The following ARL15 variants were observed in gnomAD, a reference collection of about 807,000 sequenced individuals.
The protein encoded by ARL15 is ADP-ribosylation factor-like protein 15.
ARL15 carries 19 observed loss-of-function variants against 25.2 expected under a neutral mutation model. The observed-to-expected ratio is 0.75, with a 90% CI of 0.53 to 1.10. The LOEUF (loss-of-function observed/expected upper bound fraction) is 1.10. Among genes scored for constraint, ARL15 ranks in the 50% least tolerant of loss-of-function variants. The pLI, the probability that ARL15 is intolerant of heterozygous loss-of-function variation, is 0.00. For missense variants in ARL15, 220 were observed against 246.0 expected (o/e 0.89, Z 0.71); for synonymous variants, 94 against 86.8 (o/e 1.08, Z -0.46).
chr5:54,135,923 C>G (rs1384462263), intron 3 of ARL15, among the ~76,000 whole-genome samples: 1 of 152,142 alleles, frequency 6.6e-6, no homozygotes, highest in Non-Finnish European at 1.5e-5. Flanking sequence ...ACAGGTTAGA[C>G]CACTGCCCAC....
chr5:53,999,820 G>A (rs1000779382), intron 4 of ARL15, among the ~76,000 whole-genome samples: 5 of 151,918 alleles, frequency 3.3e-5, no homozygotes, highest in Admixed American at 6.6e-5. Flanking sequence ...CTCCTGAACC[G>A]GGAGGTGGAG....
chr5:53,907,457 CATAT>C (rs1174664612), intron 4 of ARL15, among the ~76,000 whole-genome samples: 318 of 23,852 alleles, frequency 0.013, 8 homozygotes, highest in South Asian at 0.074. Flanking sequence ...CTTAAGAGTT[CATAT>C]ATATATATAT....
intron 1 of ARL15, among the ~76,000 whole-genome samples, chr5:54,254,340 C>T (rs965863334): frequency 2.0e-5 from 3 of 152,122 alleles, no homozygotes; most frequent in Admixed American, 6.5e-5. Flanking sequence ...TATAAGGAGT[C>T]TGACTTATTA....
Position 54,190,390 on chromosome 5 carries a change from C to T in ARL15, c.49-18462G>A, listed in dbSNP as rs536976625. On this transcript the variant is annotated intron_variant, in intron 1 of 4. Transcript: ENST00000504924. ...CCTAGGTGATAGAATGAGACGTTGT[C>T]TCAAAAAAAAAAAAAAAATTACAGT... 1.2e-3 allele frequency among the ~76,000 whole-genome samples: 175 copies of T among 146,374 alleles called. 2 individuals are homozygous for T. The highest frequency in any genetic ancestry group is 3.5e-3 in the Middle Eastern group (1 of 284).
chr5:54,180,620 T>C (rs1223296441), intron 1 of ARL15, among the ~76,000 whole-genome samples: 1 of 152,236 alleles, frequency 6.6e-6, no homozygotes, highest in Non-Finnish European at 1.5e-5. Flanking sequence ...TGTGGGCTGC[T>C]GGGAGCACAC....
chr5:54,060,070 G>A (rs930769907), intron 4 of ARL15, among the ~76,000 whole-genome samples: 5 of 149,394 alleles, frequency 3.3e-5, no homozygotes, highest in Non-Finnish European at 7.4e-5. Context: ...GAATTATGGG[G>A]ACTGGTCTTT....
chr5:53,981,503 G>A (rs1561175115), intron 4 of ARL15, among the ~76,000 whole-genome samples: 1 of 152,182 alleles, frequency 6.6e-6, no homozygotes, highest in Middle Eastern at 3.2e-3. Flanking sequence ...GAGCAGTGGT[G>A]CATATATTTC....
intron 4 of ARL15, among the ~76,000 whole-genome samples, chr5:54,103,008 G>A (rs1269475722): frequency 6.6e-6 from 1 of 152,088 alleles, no homozygotes; most frequent in Non-Finnish European, 1.5e-5. Context: ...ATAATCTTAT[G>A]TCAGGTGTAG....
intron 4 of ARL15, among the ~76,000 whole-genome samples, chr5:53,956,102 G>A (rs1747140625): frequency 6.6e-6 from 1 of 151,910 alleles, no homozygotes; most frequent in South Asian, 2.1e-4. Flanking sequence ...TTCAAAAAAA[G>A]ACCCTGAGAG....
At chr5:53,931,890 G>T (rs1474917126) in intron 4 of ARL15, among the ~76,000 whole-genome samples, 2 of 152,124 alleles carry the variant, frequency 1.3e-5, no homozygotes, top group South Asian at 4.1e-4. Context: ...GTTTGGGCTT[G>T]GGACTTATAT....
At position 54,113,105 on chromosome 5, in the gene ARL15, C is replaced by A. The variant is rs185392005; in HGVS notation, c.462+97G>T. ...GGTTTCATGTTGAAAGCAGCATAAC[C>A]AGCACATTCCTAATTACATGCATTT... is the stretch of plus-strand genomic sequence containing the variant. On this transcript the variant is annotated intron_variant, in intron 4 of 4. Coordinates refer to ENST00000504924, the MANE Select transcript of ARL15 (RefSeq NM_019087.3). The A allele has an allele frequency of 5.2e-5, 62 of 1,194,540 alleles. No homozygotes were observed. In the African/African-American group the frequency reaches 6.8e-4, roughly 13 times the overall value. The allele number at this position is 1,194,540 out of a possible 1,614,324, so 74.0% of individuals were successfully genotyped here. A position where few individuals can be genotyped will look rare whatever the true frequency, so the allele number is the denominator to read the frequency against.
intron 4 of ARL15, among the ~76,000 whole-genome samples, chr5:53,907,477 TATA>T (rs1561143790): frequency 1.1e-3 from 36 of 32,406 alleles, no homozygotes; most frequent in African/African-American, 4.6e-3. Context: ...TATATATATA[TATA>T]TATATATATT....
At chr5:54,032,656 T>C (rs370547909) in intron 4 of ARL15, among the ~76,000 whole-genome samples, 3 of 151,858 alleles carry the variant, frequency 2.0e-5, no homozygotes, top group South Asian at 4.2e-4. Flanking sequence ...AATAAGACTA[T>C]AGGGTAAGAG....
intron 4 of ARL15, among the ~76,000 whole-genome samples, chr5:54,105,309 A>G (rs1752556328): frequency 6.6e-6 from 1 of 151,976 alleles, no homozygotes; most frequent in South Asian, 2.1e-4. Context: ...ATGAGGATTA[A>G]TGAAATGCTA....
intron 3 of ARL15, among the ~76,000 whole-genome samples, chr5:54,117,746 T>A (rs1024065329): frequency 6.6e-6 from 1 of 152,206 alleles, no homozygotes; most frequent in Non-Finnish European, 1.5e-5. Flanking sequence ...TGACAAACTA[T>A]GATTATTCAG....
intron 3 of ARL15, among the ~76,000 whole-genome samples, chr5:54,152,755 T>C (rs1579852237): frequency 6.6e-6 from 1 of 152,184 alleles, no homozygotes; most frequent in Non-Finnish European, 1.5e-5. Context: ...CCAAATCCTA[T>C]GGTATCCTCT....
intron 4 of ARL15, among the ~76,000 whole-genome samples, chr5:53,895,841 ACAAT>A (rs1744854004): frequency 6.6e-6 from 1 of 152,192 alleles, no homozygotes; most frequent in Non-Finnish European, 1.5e-5. Flanking sequence ...CAACTGTTTA[ACAAT>A]CAAAACATCC....
intron 4 of ARL15, among the ~76,000 whole-genome samples, chr5:54,098,832 C>A (rs1037637366): frequency 6.6e-6 from 1 of 152,132 alleles, no homozygotes; most frequent in South Asian, 2.1e-4. Context: ...TCTAGGAAAT[C>A]CAGTTTTAAG....
At chr5:54,080,632 A>G (rs1579777124) in intron 4 of ARL15, among the ~76,000 whole-genome samples, 1 of 152,214 alleles carries the variant, frequency 6.6e-6, no homozygotes, top group African/African-American at 2.4e-5. Flanking sequence ...GCGTTAATAA[A>G]TTTCTAATAA....
Sources: allele counts gnomAD v4.1 joint callset (sites outside exome capture counted in the v4.1 genomes callset), GRCh38; gene constraint gnomAD v4.1.1; transcripts MANE v1.5; gene names NCBI Gene and HGNC (gene_info 2026-07-23, HGNC 2026-07-21).